Variants in CACNA1C observed in about 807,000 individuals in gnomAD.
The protein encoded by CACNA1C is calcium voltage-gated channel subunit alpha1 C, also known as voltage-dependent L-type calcium channel subunit alpha-1C.
Under a neutral mutation model 229.0 loss-of-function variants are expected in CACNA1C, and 30 were observed. That is an observed-to-expected ratio of 0.13 (90% CI 0.10 to 0.18). The LOEUF is 0.18. Among genes scored for constraint, CACNA1C ranks in the 10% least tolerant of loss-of-function variants. The pLI is 1.00. For missense variants in CACNA1C, 1,658 were observed against 2,845.0 expected (o/e 0.58, Z 9.49); for synonymous variants, 1,114 against 1,132.5 (o/e 0.98, Z 0.33).
intron 1 of CACNA1C, among the ~76,000 whole-genome samples, chr12:1,978,708 C>T (rs758096010): frequency 2.6e-5 from 4 of 152,156 alleles, no homozygotes; most frequent in Non-Finnish European, 5.9e-5. Flanking sequence ...GCAGAGACAA[C>T]CAATTTTTTA....
At chr12:2,449,138 T>C in intron 4 of CACNA1C, 23 bp downstream of exon 4, 1 of 1,498,838 alleles carries the variant, frequency 6.7e-7, no homozygotes, top group Non-Finnish European at 8.9e-7. Context: ...GTCTGTTTCT[T>C]TCCCTTTATC....
chr12:2,227,002 C>G (rs192315507), intron 3 of CACNA1C, among the ~76,000 whole-genome samples: 3 of 152,144 alleles, frequency 2.0e-5, no homozygotes. Context: ...ATATTGCTGC[C>G]GTTACTGCTG....
intron 1 of CACNA1C, among the ~76,000 whole-genome samples, chr12:2,061,021 T>G (rs2154516234): frequency 6.6e-6 from 1 of 152,250 alleles, no homozygotes; most frequent in Non-Finnish European, 1.5e-5. Flanking sequence ...AGTAACAAAG[T>G]AAATAGCTAA....
At chr12:1,989,419 A>C (rs2038767536) in intron 1 of CACNA1C, among the ~76,000 whole-genome samples, 1 of 152,014 alleles carries the variant, frequency 6.6e-6, no homozygotes, top group Non-Finnish European at 1.5e-5. Context: ...GGAAAGGGAA[A>C]GGGAAAGGAA....
intron 6 of CACNA1C, among the ~76,000 whole-genome samples, chr12:2,487,162 C>T (rs2154570749): frequency 6.6e-6 from 1 of 152,074 alleles, no homozygotes; most frequent in East Asian, 1.9e-4. Context: ...AACACCCACC[C>T]CAAAGGGGCT....
intron 3 of CACNA1C, among the ~76,000 whole-genome samples, chr12:2,230,277 G>A (rs2064534189): frequency 6.6e-6 from 1 of 152,200 alleles, no homozygotes; most frequent in Non-Finnish European, 1.5e-5. Flanking sequence ...GGTGTACGTG[G>A]GGACGGCGCC....
At chr12:2,304,139 C>T (rs2094815603) in intron 3 of CACNA1C, among the ~76,000 whole-genome samples, 1 of 152,184 alleles carries the variant, frequency 6.6e-6, no homozygotes, top group Non-Finnish European at 1.5e-5. Flanking sequence ...GCTGTGTCTT[C>T]TGTCAGATCT....
At position 1,973,019 on chromosome 12, in the gene CACNA1C, A is replaced by G. The variant is rs561365855; in HGVS notation, c.139+1818A>G. 5.3e-5 allele frequency among the ~76,000 whole-genome samples: 8 copies of G among 152,274 alleles called. No individual in the cohort carries two copies. The South Asian group carries it at 1.7e-3, about 32-fold the overall frequency. On this transcript the variant is annotated intron_variant, in intron 1 of 46. Coordinates refer to the CACNA1C transcript ENST00000682462. ...TGTGCGGATTCTGTACTTCTTCCCC[A>G]TTTGGAATGTTTGCACTCAAAATGC...
intron 3 of CACNA1C, among the ~76,000 whole-genome samples, chr12:2,365,228 T>C (rs375892955): frequency 3.9e-5 from 6 of 152,318 alleles, no homozygotes; most frequent in African/African-American, 1.4e-4. Context: ...GAGAGTAAGC[T>C]CGATGTTAAT....
chr12:2,420,388 G>T (rs1045578125), intron 3 of CACNA1C, among the ~76,000 whole-genome samples: 1 of 152,072 alleles, frequency 6.6e-6, no homozygotes, highest in Non-Finnish European at 1.5e-5. Flanking sequence ...TGGTTGACTG[G>T]GGCCACCTTC....
intron 6 of CACNA1C, among the ~76,000 whole-genome samples, chr12:2,489,890 C>T (rs1433833440): frequency 6.6e-6 from 1 of 152,210 alleles, no homozygotes; most frequent in Non-Finnish European, 1.5e-5. Flanking sequence ...TTGTTTCTGT[C>T]TCCCACTTCA....
chr12:2,026,042 C>T (rs2047267488), intron 1 of CACNA1C, among the ~76,000 whole-genome samples: 1 of 152,214 alleles, frequency 6.6e-6, no homozygotes, highest in Admixed American at 6.5e-5. Flanking sequence ...AACTGCCTGG[C>T]AATGTCGGAA....
chr12:2,126,006 C>G (rs758886387), intron 3 of CACNA1C, among the ~76,000 whole-genome samples: 1 of 152,274 alleles, frequency 6.6e-6, no homozygotes, highest in Non-Finnish European at 1.5e-5. Context: ...CAGATTCCCT[C>G]GCAAACGCAT....
chr12:2,599,031 G>A (rs895814742), intron 21 of CACNA1C, among the ~76,000 whole-genome samples: 2 of 152,164 alleles, frequency 1.3e-5, no homozygotes, highest in African/African-American at 4.8e-5. Flanking sequence ...GAGGCACACA[G>A]ACCCCAGAGT....
chr12:2,661,280 T>TACACACACACACAC (rs1210712672), intron 34 of CACNA1C, among the ~76,000 whole-genome samples: 4,106 of 123,308 alleles, frequency 0.033, 105 homozygotes, highest in Middle Eastern at 0.083. Context: ...TACACACACA[T>TACACACACACACAC]ACACACACAC....
intron 1 of CACNA1C, among the ~76,000 whole-genome samples, chr12:1,986,683 C>T (rs1168032759): frequency 6.6e-6 from 1 of 150,820 alleles, no homozygotes; most frequent in South Asian, 2.1e-4. Context: ...TTTTTCCTAG[C>T]GTTCTGTGAC....
intron 37 of CACNA1C, among the ~76,000 whole-genome samples, chr12:2,667,332 T>TCTCCCTCC (rs1569149779): frequency 1.3e-5 from 2 of 152,142 alleles, no homozygotes; most frequent in East Asian, 1.9e-4. Flanking sequence ...GTGCTCCTTG[T>TCTCCCTCC]TGGGGCAATA....
intron 26 of CACNA1C, chr12:2,607,358 C>T (rs982162929): frequency 8.0e-6 from 4 of 499,530 alleles, no homozygotes; most frequent in African/African-American, 5.8e-5. Context: ...CCAAAAGTGA[C>T]CTTTTTTTAG....
intron 7 of CACNA1C, among the ~76,000 whole-genome samples, chr12:2,495,173 G>A (rs936166279): frequency 2.6e-5 from 4 of 152,254 alleles, no homozygotes; most frequent in Admixed American, 2.0e-4. Context: ...TTGTAAGACA[G>A]AAGGAATTGA....
Sources: allele counts gnomAD v4.1 joint callset (sites outside exome capture counted in the v4.1 genomes callset), GRCh38; gene constraint gnomAD v4.1.1; transcripts MANE v1.5; gene names NCBI Gene and HGNC (gene_info 2026-07-23, HGNC 2026-07-21).